The following SLC9A9 variants were observed in gnomAD, a reference collection of about 807,000 sequenced individuals.
SLC9A9 encodes sodium/hydrogen exchanger 9.
Under a neutral mutation model 77.8 loss-of-function variants are expected in SLC9A9, and 62 were observed. The observed-to-expected ratio is 0.80, with a 90% confidence interval of 0.65 to 0.98. SLC9A9 has a LOEUF of 0.98. Ranked by LOEUF, SLC9A9 falls within the 50% of genes least tolerant of loss-of-function variation. SLC9A9 has a pLI of 0.00. For synonymous variants in SLC9A9, 320 were observed against 283.5 expected (o/e 1.13, Z -1.29); for missense variants, 775 against 774.9 (o/e 1.00, Z 0.00).
chr3:143,681,017 C>T (rs1050389873), intron 5 of SLC9A9, among the ~76,000 whole-genome samples: 2 of 152,142 alleles, frequency 1.3e-5, no homozygotes, highest in Non-Finnish European at 2.9e-5. Context: ...TGTCCCTGAA[C>T]AGGTTATCGC....
At position 143,309,569 on chromosome 3, in the gene SLC9A9, C is replaced by G. The variant is rs932207276; in HGVS notation, c.1605-40589G>C. On this transcript the variant is annotated intron_variant, in intron 14 of 15. Coordinates refer to ENST00000316549, the MANE Select transcript of SLC9A9 (RefSeq NM_173653.4). ...AGCAAGGATAAGGGTTTCCTCTCTT[C>G]CTAGTTGAGTGTAGGATTTCCAGAC... 5.3e-5 allele frequency among the ~76,000 whole-genome samples: 8 copies of G among 152,248 alleles called. No individual in the cohort carries two copies. The East Asian group carries it at 1.5e-3, about 29-fold the overall frequency.
intron 2 of SLC9A9, among the ~76,000 whole-genome samples, chr3:143,821,582 C>A (rs1245475958): frequency 2.0e-5 from 3 of 152,314 alleles, no homozygotes; most frequent in East Asian, 3.9e-4. Context: ...ATTTCCAATT[C>A]TCCTAAAAAT....
chr3:143,787,975 T>G (rs963361285), intron 4 of SLC9A9, among the ~76,000 whole-genome samples: 3 of 152,086 alleles, frequency 2.0e-5, no homozygotes, highest in Non-Finnish European at 4.4e-5. Flanking sequence ...TGTCTTATCC[T>G]ACAAGATATA....
At chr3:143,308,218 T>G (rs1004856564) in intron 14 of SLC9A9, among the ~76,000 whole-genome samples, 1 of 152,192 alleles carries the variant, frequency 6.6e-6, no homozygotes, top group African/African-American at 2.4e-5. Flanking sequence ...AAAATGGAGA[T>G]GAGAATCAGC....
chr3:143,440,731 C>G (rs1235158916), intron 12 of SLC9A9, among the ~76,000 whole-genome samples: 1 of 152,202 alleles, frequency 6.6e-6, no homozygotes, highest in African/African-American at 2.4e-5. Context: ...AAATGATAAA[C>G]AGCTTGGTGG....
chr3:143,635,363 T>C (rs2038501646), intron 6 of SLC9A9, among the ~76,000 whole-genome samples: 1 of 152,202 alleles, frequency 6.6e-6, no homozygotes, highest in Non-Finnish European at 1.5e-5. Context: ...TTCTTTACAC[T>C]GAAGGTGGGG....
At chr3:143,323,114 T>C (rs1285992635) in intron 14 of SLC9A9, among the ~76,000 whole-genome samples, 3 of 152,144 alleles carry the variant, frequency 2.0e-5, no homozygotes, top group African/African-American at 7.2e-5. Flanking sequence ...CGGGAACTCT[T>C]ATATACCGTT....
At position 143,693,324 on chromosome 3, in the gene SLC9A9, C is replaced by T. The variant is rs1158830994; in HGVS notation, c.534-17G>A. On this transcript the variant is annotated splice_polypyrimidine_tract_variant and intron_variant, in intron 4 of 15. Transcript: ENST00000316549. ...ATAATTAACCTGTTGAAGAGAAAAACATGACCTTCAAACATCAAGATGAAC... is the reference window on the plus strand; with the variant it reads ...ATAATTAACCTGTTGAAGAGAAAAATATGACCTTCAAACATCAAGATGAAC... 2.5e-6 allele frequency: 4 copies of T among 1,574,232 alleles called. No individual in the cohort carries two copies. In the South Asian group the frequency reaches 4.4e-5, roughly 17 times the overall value.
intron 9 of SLC9A9, among the ~76,000 whole-genome samples, chr3:143,511,640 G>A (rs764250438): frequency 6.6e-6 from 1 of 152,182 alleles, no homozygotes; most frequent in Non-Finnish European, 1.5e-5. Context: ...ACTCAACAAT[G>A]TTTTACTCCA....
At chr3:143,644,873 T>C (rs1391196488) in intron 6 of SLC9A9, among the ~76,000 whole-genome samples, 2 of 152,182 alleles carry the variant, frequency 1.3e-5, no homozygotes, top group African/African-American at 4.8e-5. Flanking sequence ...TGAATTACCT[T>C]CAGAAAGATG....
intron 14 of SLC9A9, among the ~76,000 whole-genome samples, chr3:143,306,012 T>C (rs1488929706): frequency 6.6e-6 from 1 of 152,154 alleles, no homozygotes; most frequent in Non-Finnish European, 1.5e-5. Flanking sequence ...GAACATTTGA[T>C]TTTTTCCCCC....
At chr3:143,834,422 TAA>T (rs768336531) in intron 1 of SLC9A9, among the ~76,000 whole-genome samples, 3 of 152,144 alleles carry the variant, frequency 2.0e-5, no homozygotes, top group Non-Finnish European at 4.4e-5. Flanking sequence ...ATTTAATTCC[TAA>T]AAGTTATTCA....
At chr3:143,277,630 G>A (rs1450714077) in intron 14 of SLC9A9, among the ~76,000 whole-genome samples, 3 of 152,210 alleles carry the variant, frequency 2.0e-5, no homozygotes, top group Non-Finnish European at 2.9e-5. Flanking sequence ...TATGGATAGT[G>A]TTACATTTGG....
intron 5 of SLC9A9, among the ~76,000 whole-genome samples, chr3:143,687,822 G>T (rs909737072): frequency 1.3e-5 from 2 of 152,034 alleles, no homozygotes; most frequent in East Asian, 1.9e-4. Context: ...GCTGCCCAAA[G>T]TTGCACAGCT....
chr3:143,797,045 G>C, intron 2 of SLC9A9, 142 bp from the exon 3 acceptor site: 1 of 626,418 alleles, frequency 1.6e-6, no homozygotes, highest in South Asian at 2.1e-5. Context: ...ATGAAGGTAG[G>C]AAAAAATGAA....
intron 1 of SLC9A9, among the ~76,000 whole-genome samples, chr3:143,833,261 T>C (rs947617910): frequency 3.9e-5 from 6 of 152,196 alleles, no homozygotes; most frequent in Non-Finnish European, 5.9e-5. Context: ...AATAACCTTT[T>C]ATTTCTTTAG....
chr3:143,578,296 T>C (rs894380398), intron 7 of SLC9A9, among the ~76,000 whole-genome samples: 9 of 152,178 alleles, frequency 5.9e-5, no homozygotes, highest in African/African-American at 2.2e-4. Context: ...CGTTCACTAG[T>C]TTTCCTAGGT....
At chr3:143,439,494 A>G (rs912898081) in intron 12 of SLC9A9, among the ~76,000 whole-genome samples, 14 of 152,188 alleles carry the variant, frequency 9.2e-5, no homozygotes, top group African/African-American at 3.4e-4. Flanking sequence ...AGCACCAGGT[A>G]GAAGGCAGGG....
At chr3:143,813,235 A>G (rs2008916724) in intron 2 of SLC9A9, among the ~76,000 whole-genome samples, 2 of 152,208 alleles carry the variant, frequency 1.3e-5, no homozygotes, top group Admixed American at 1.3e-4. Flanking sequence ...GAAGGAAATT[A>G]GGGTTCTGAT....
Sources: allele counts gnomAD v4.1 joint callset (sites outside exome capture counted in the v4.1 genomes callset), GRCh38; gene constraint gnomAD v4.1.1; transcripts MANE v1.5; gene names NCBI Gene and HGNC (gene_info 2026-07-23, HGNC 2026-07-21).